Variants in WWOX observed in about 807,000 individuals in gnomAD.
WWOX encodes WW domain-containing oxidoreductase.
Under a neutral mutation model 46.2 loss-of-function variants are expected in WWOX, and 69 were observed. The observed-to-expected ratio is 1.49, with a 90% CI of 1.23 to 1.82. WWOX has a LOEUF of 1.82. WWOX is among the 40% of genes most tolerant of loss of function. The pLI, the probability that WWOX is intolerant of heterozygous loss-of-function variation, is 0.00. For synonymous variants in WWOX, 359 were observed against 202.6 expected (o/e 1.77, Z -6.56); for missense variants, 919 against 542.6 (o/e 1.69, Z -6.89).
chr16:78,905,442 C>T (rs1327151962), intron 8 of WWOX, among the ~76,000 whole-genome samples: 4 of 152,114 alleles, frequency 2.6e-5, no homozygotes, highest in African/African-American at 9.7e-5. Context: ...GTGCAAGTGG[C>T]CCAATCATGG....
chr16:78,516,331 C>T (rs140537276), intron 8 of WWOX, among the ~76,000 whole-genome samples: 15 of 152,240 alleles, frequency 9.9e-5, no homozygotes, highest in East Asian at 5.8e-4. Context: ...TTTCCCTGGA[C>T]GGTCACAAAC....
At chr16:78,773,907 G>A (rs1474590442) in intron 8 of WWOX, among the ~76,000 whole-genome samples, 1 of 152,156 alleles carries the variant, frequency 6.6e-6, no homozygotes, top group Non-Finnish European at 1.5e-5. Context: ...ATCCAGAATT[G>A]GAATTTAACA....
At chr16:79,164,612 T>C (rs2050555167) in intron 8 of WWOX, among the ~76,000 whole-genome samples, 1 of 152,136 alleles carries the variant, frequency 6.6e-6, no homozygotes, top group Admixed American at 6.5e-5. Context: ...ACACCAAAGG[T>C]GACTCCCCTC....
intron 8 of WWOX, among the ~76,000 whole-genome samples, chr16:78,481,724 A>AGTT: frequency 7.3e-6 from 1 of 137,048 alleles, no homozygotes; most frequent in South Asian, 2.5e-4. Context: ...GGGCAAGGGA[A>AGTT]GTGTGTGTGT....
At chr16:78,679,205 G>A (rs980062809) in intron 8 of WWOX, among the ~76,000 whole-genome samples, 6 of 152,124 alleles carry the variant, frequency 3.9e-5, no homozygotes, top group Admixed American at 2.6e-4. Flanking sequence ...ACAGGTGCCC[G>A]AGATCCTAGA....
chr16:78,111,312 A>G (rs545793335), intron 3 of WWOX, among the ~76,000 whole-genome samples: 29 of 152,372 alleles, frequency 1.9e-4, no homozygotes, highest in African/African-American at 7.0e-4. Flanking sequence ...GGAGATGATC[A>G]TGGACAATTA....
At chr16:78,734,751 C>A (rs550295952) in intron 8 of WWOX, among the ~76,000 whole-genome samples, 38 of 147,116 alleles carry the variant, frequency 2.6e-4, no homozygotes, top group African/African-American at 8.4e-4. Flanking sequence ...AGCTTCGTCT[C>A]ATCAGCTGAA....
At chr16:78,611,273 G>A (rs1253646172) in intron 8 of WWOX, among the ~76,000 whole-genome samples, 3 of 152,182 alleles carry the variant, frequency 2.0e-5, no homozygotes, top group Non-Finnish European at 2.9e-5. Flanking sequence ...TTAGGCAAGC[G>A]TTGATGACAT....
intron 8 of WWOX, among the ~76,000 whole-genome samples, chr16:78,648,051 C>A (rs1219572909): frequency 2.0e-5 from 3 of 152,202 alleles, no homozygotes; most frequent in Non-Finnish European, 4.4e-5. Flanking sequence ...CACACTTACT[C>A]TTATTCACCC....
chr16:78,116,471 C>CAAA (rs2032796541), intron 4 of WWOX, among the ~76,000 whole-genome samples: 1 of 152,236 alleles, frequency 6.6e-6, no homozygotes, highest in East Asian at 1.9e-4. Flanking sequence ...GGTAAAGAAG[C>CAAA]AAATGGAAAT....
intron 8 of WWOX, among the ~76,000 whole-genome samples, chr16:79,209,529 C>G (rs945616413): frequency 1.3e-5 from 2 of 152,056 alleles, no homozygotes. Flanking sequence ...GGAGGCTGGA[C>G]TTGAAATGGG....
intron 8 of WWOX, among the ~76,000 whole-genome samples, chr16:78,548,522 A>G (rs1376297057): frequency 6.6e-6 from 1 of 152,202 alleles, no homozygotes; most frequent in Admixed American, 6.5e-5. Flanking sequence ...CAAACATTTT[A>G]ACAGTACATC....
chr16:78,563,033 C>T (rs139392356), intron 8 of WWOX, among the ~76,000 whole-genome samples: 16 of 151,922 alleles, frequency 1.1e-4, no homozygotes, highest in South Asian at 2.1e-4. Flanking sequence ...TTTGCACCCA[C>T]GATGCTCTGC....
rs112396578 is a variant in WWOX at position 79,078,953 on chromosome 16, C to T, written c.1057-132655C>T. Among the ~76,000 whole-genome samples the T allele has an allele frequency of 3.6e-3, 545 of 152,152 alleles. 2 individuals carry two copies. The highest frequency in any genetic ancestry group is 0.012 in the African/African-American group (505 of 41,496). On this transcript the variant is annotated intron_variant, in intron 8 of 8. Transcript: ENST00000566780. The stretch of plus-strand genomic sequence containing the variant: ...CAACCAGAGATCAAAGATGATTGGC[C>T]CTGAAGTTATTTTTCCCCCCAAATT...
chr16:78,305,867 C>CT (rs1020623441), intron 5 of WWOX, among the ~76,000 whole-genome samples: 7 of 151,654 alleles, frequency 4.6e-5, no homozygotes, highest in African/African-American at 7.3e-5. Context: ...TTTTCTTTTT[C>CT]TTTTTTTTGG....
At chr16:78,634,748 G>A (rs1301580160) in intron 8 of WWOX, among the ~76,000 whole-genome samples, 1 of 149,418 alleles carries the variant, frequency 6.7e-6, no homozygotes, top group African/African-American at 2.5e-5. Flanking sequence ...GGATTCTGCC[G>A]ATAAACATCA....
At chr16:78,542,362 A>T (rs1398964598) in intron 8 of WWOX, among the ~76,000 whole-genome samples, 2 of 152,080 alleles carry the variant, frequency 1.3e-5, no homozygotes, top group African/African-American at 4.8e-5. Context: ...AGAATCTGAA[A>T]ATTAGGAGAG....
At chr16:78,669,307 G>C (rs1315618321) in intron 8 of WWOX, among the ~76,000 whole-genome samples, 1 of 152,230 alleles carries the variant, frequency 6.6e-6, no homozygotes, top group African/African-American at 2.4e-5. Context: ...ATGGATTTGT[G>C]TCTATAAACA....
Position 78,572,860 on chromosome 16 carries a change from C to T in WWOX, c.1056+140108C>T, listed in dbSNP as rs575614558. Among the ~76,000 whole-genome samples the T allele has an allele frequency of 1.1e-4, 16 of 152,132 alleles. No individual in the cohort carries two copies. The South Asian group carries it at 2.1e-3, about 20-fold the overall frequency. ...GGGGAGGTATTGGAAAGTTCTGTTT[C>T]TTAAAATGAGTGACAGGTACCTAGG... On this transcript the variant is annotated intron_variant, in intron 8 of 8. Transcript: ENST00000566780.
Sources: allele counts gnomAD v4.1 joint callset (sites outside exome capture counted in the v4.1 genomes callset), GRCh38; gene constraint gnomAD v4.1.1; transcripts MANE v1.5; gene names NCBI Gene and HGNC (gene_info 2026-07-23, HGNC 2026-07-21).